The following NAV1 variants were observed in gnomAD, a reference collection of about 807,000 sequenced individuals.
NAV1 encodes pore membrane and/or filament interacting like protein 3.
In NAV1, 18 loss-of-function variants were observed where a neutral mutation model predicts 175.2. That is an observed-to-expected ratio of 0.10 (90% CI 0.07 to 0.15). NAV1 has a LOEUF of 0.15. NAV1 is among the 10% of genes least tolerant of loss of function. The pLI, the probability that NAV1 is intolerant of heterozygous loss-of-function variation, is 1.00. For synonymous variants in NAV1, 897 were observed against 978.7 expected (o/e 0.92, Z 1.56); for missense variants, 1,731 against 2,436.6 (o/e 0.71, Z 6.10).
intron 1 of NAV1, among the ~76,000 whole-genome samples, chr1:201,564,482 A>G (rs1307397894): frequency 6.6e-6 from 1 of 152,146 alleles, no homozygotes; most frequent in Non-Finnish European, 1.5e-5. Flanking sequence ...GGGTGTGGTG[A>G]CACACACCTG....
upstream of NAV1, among the ~76,000 whole-genome samples, chr1:201,643,379 T>C (rs1194728854): frequency 6.9e-6 from 1 of 145,972 alleles, no homozygotes; most frequent in Non-Finnish European, 1.5e-5. Flanking sequence ...TTTCTTTCTT[T>C]TTCCTCTCCC....
chr1:201,602,650 G>T (rs6692562), intron 2 of NAV1, among the ~76,000 whole-genome samples: 3,581 of 113,364 alleles, frequency 0.032, 142 homozygotes, highest in African/African-American at 0.099. Flanking sequence ...TTTTTTTTTT[G>T]GTTTTTTTTT....
chr1:201,683,211 T>A (rs1670534131), intron 1 of NAV1, among the ~76,000 whole-genome samples: 1 of 152,196 alleles, frequency 6.6e-6, no homozygotes. Flanking sequence ...TGTCCTGCAG[T>A]GGTTTTAACT....
Position 201,756,795 on chromosome 1 carries a change from T to C in NAV1, c.1227-23626T>C, listed in dbSNP as rs188532659. 2.1e-3 allele frequency among the ~76,000 whole-genome samples: 105 copies of C among 49,078 alleles called. 1 individual carries two copies. Among genetic ancestry groups the C allele is most frequent in the Admixed American group, 9.6e-3 (47 of 4,886 alleles). The allele number at this position is 49,078 out of a possible 152,430, so 32.2% of individuals were successfully genotyped here. ...AGGGCAAAGAACTAATGAGCAATTC[T>C]CTTTCTTTCTTTCCTTCTTTCTTTC... On this transcript the variant is annotated intron_variant, in intron 3 of 29. Coordinates refer to ENST00000367296, the Ensembl canonical transcript of NAV1.
intron 2 of NAV1, among the ~76,000 whole-genome samples, chr1:201,630,208 C>T (rs1668446422): frequency 6.6e-6 from 1 of 152,208 alleles, no homozygotes; most frequent in African/African-American, 2.4e-5. Flanking sequence ...TGCTGATTTT[C>T]CTACAACATT....
Position 201,650,142 on chromosome 1 carries a change from C to T in NAV1, c.757+717C>T, listed in dbSNP as rs1339240974. Among the ~76,000 whole-genome samples, 3 of 152,216 alleles carry T rather than the reference C, an allele frequency of 2.0e-5. No homozygotes were observed. In the East Asian group the frequency reaches 5.8e-4, roughly 29 times the overall value. ...CCGAGACTCCTGTTTGACCGGGAAG[C>T]CTTTGCCCTGTGGCTAATGGAAGCC... On this transcript the variant is annotated intron_variant, in intron 1 of 29. Coordinates refer to ENST00000367296, the Ensembl canonical transcript of NAV1.
chr1:201,644,534 C>A (rs1668911868), upstream of NAV1, among the ~76,000 whole-genome samples: 1 of 152,184 alleles, frequency 6.6e-6, no homozygotes, highest in Admixed American at 6.5e-5. Flanking sequence ...TTAAAGGGAC[C>A]ACCACCTGGC....
At chr1:201,701,327 G>A (rs186400572) in intron 1 of NAV1, among the ~76,000 whole-genome samples, 1 of 151,754 alleles carries the variant, frequency 6.6e-6, no homozygotes, top group Non-Finnish European at 1.5e-5. Flanking sequence ...ACAAGTTAAT[G>A]GGTGCAACAA....
chr1:201,722,429 C>T (rs1463063080), intron 3 of NAV1, among the ~76,000 whole-genome samples: 6 of 152,170 alleles, frequency 3.9e-5, no homozygotes, highest in Non-Finnish European at 8.8e-5. Flanking sequence ...TATGTTGTAG[C>T]GTTAGAATTT....
intron 1 of NAV1, among the ~76,000 whole-genome samples, chr1:201,579,363 T>C (rs1197963229): frequency 1.3e-5 from 2 of 152,104 alleles, no homozygotes; most frequent in Non-Finnish European, 2.9e-5. Flanking sequence ...CATCCACCCT[T>C]TTTTTATTTT....
chr1:201,723,395 T>C (rs558109723), intron 3 of NAV1: 1 of 152,360 alleles, frequency 6.6e-6, no homozygotes, highest in South Asian at 2.1e-4. Context: ...TCCTTTTCAT[T>C]CTGTAGATGT....
intron 3 of NAV1, among the ~76,000 whole-genome samples, chr1:201,725,949 T>C (rs1672589349): frequency 1.3e-5 from 2 of 152,236 alleles, no homozygotes; most frequent in African/African-American, 4.8e-5. Context: ...AAAGACCCTG[T>C]CTCTAGAAAG....
In NAV1 at chr1:201,776,345, A is replaced by G. The variant is rs868703699; in HGVS notation, c.1227-4076A>G. ...GAGACCCTGACTCTACAAAAAAAAA[A>G]AAAAAAAAAAAAAAGTTCGGGCATG... On this transcript the variant is annotated intron_variant, in intron 3 of 29. Coordinates refer to ENST00000367296, the Ensembl canonical transcript of NAV1. Among the ~76,000 whole-genome samples, 259 of 150,432 alleles carry G rather than the reference A, an allele frequency of 1.7e-3. 2 individuals carry two copies. The Middle Eastern group carries it at 0.055, about 32-fold the overall frequency.
intron 1 of NAV1, among the ~76,000 whole-genome samples, chr1:201,558,711 A>G (rs983145243): frequency 2.0e-5 from 3 of 152,098 alleles, no homozygotes; most frequent in Admixed American, 6.6e-5. Flanking sequence ...CGGCCTCCCA[A>G]AGTGCTGGGA....
exon 30 of NAV1, chr1:201,826,146 T>C (rs991371851): frequency 3.3e-5 from 5 of 152,214 alleles, no homozygotes; most frequent in Admixed American, 2.6e-4. Flanking sequence ...GTAACAGGTC[T>C]CCTGCGCCCT....
At chr1:201,733,522 T>TA (rs997611133) in intron 3 of NAV1, 10 of 151,712 alleles carry the variant, frequency 6.6e-5, no homozygotes, top group Admixed American at 4.6e-4. Flanking sequence ...TATATTAAAT[T>TA]AAAAAAAGAG....
chr1:201,608,052 G>A (rs764484844), intron 2 of NAV1, among the ~76,000 whole-genome samples: 1 of 152,020 alleles, frequency 6.6e-6, no homozygotes, highest in Non-Finnish European at 1.5e-5. Context: ...TAATGCACAT[G>A]TTATTTTTAT....
intron 1 of NAV1, among the ~76,000 whole-genome samples, chr1:201,573,373 G>A (rs1666603740): frequency 6.6e-6 from 1 of 152,162 alleles, no homozygotes; most frequent in Non-Finnish European, 1.5e-5. Flanking sequence ...CTTTTTCAAG[G>A]GGAAAGAAGA....
chr1:201,591,993 G>A (rs188775277), intron 2 of NAV1, among the ~76,000 whole-genome samples: 62 of 152,292 alleles, frequency 4.1e-4, no homozygotes, highest in Middle Eastern at 6.8e-3. Flanking sequence ...GCTTAGCGAT[G>A]TCTTTGATGA....
Sources: allele counts gnomAD v4.1 joint callset (sites outside exome capture counted in the v4.1 genomes callset), GRCh38; gene constraint gnomAD v4.1.1; transcripts MANE v1.5; gene names NCBI Gene and HGNC (gene_info 2026-07-23, HGNC 2026-07-21).